Variants in NDUFS4 observed in about 807,000 individuals in gnomAD.
NDUFS4 encodes NADH dehydrogenase [ubiquinone] iron-sulfur protein 4, mitochondrial.
A neutral mutation model predicts 24.3 loss-of-function variants in NDUFS4; 28 were observed. That is an observed-to-expected ratio of 1.15 (90% CI 0.85 to 1.58). NDUFS4 has a LOEUF of 1.58. NDUFS4 is among the 40% of genes most tolerant of loss of function. NDUFS4 has a pLI of 0.00. For missense variants in NDUFS4, 223 were observed against 207.9 expected (o/e 1.07, Z -0.45); for synonymous variants, 93 against 69.7 (o/e 1.34, Z -1.67).
Position 53,584,361 on chromosome 5 carries a change from T to G in NDUFS4, c.99-19091T>G, listed in dbSNP as rs191961369. ...ATGGTTGACGGAGTTCAACTGAGCT[T>G]CTTTTTTTTTTGAGATGGAGTTTCG... On this transcript the variant is annotated intron_variant, in intron 1 of 4. Transcript: ENST00000296684. Among the ~76,000 whole-genome samples the G allele has an allele frequency of 2.4e-3, 363 of 152,232 alleles. 5 individuals carry two copies. Among genetic ancestry groups the G allele is most frequent in the African/African-American group, 8.1e-3 (337 of 41,548 alleles).
chr5:53,563,485 A>G (rs893580028), intron 1 of NDUFS4, among the ~76,000 whole-genome samples: 2 of 151,306 alleles, frequency 1.3e-5, no homozygotes, highest in African/African-American at 4.8e-5. Flanking sequence ...AGGCAAAAAA[A>G]GGGGTTAAAT....
At chr5:53,570,477 A>G (rs1223474151) in intron 1 of NDUFS4, among the ~76,000 whole-genome samples, 1 of 152,134 alleles carries the variant, frequency 6.6e-6, no homozygotes, top group South Asian at 2.1e-4. Flanking sequence ...GCTTCTGTAC[A>G]GGATTTTATG....
chr5:53,665,462 G>A (rs992970100), intron 4 of NDUFS4, among the ~76,000 whole-genome samples: 6 of 152,234 alleles, frequency 3.9e-5, no homozygotes, highest in South Asian at 2.1e-4. Flanking sequence ...CTTGAGCTGC[G>A]CTGGGCTCCA....
intron 1 of NDUFS4, among the ~76,000 whole-genome samples, chr5:53,568,302 C>A (rs1175970231): frequency 6.6e-6 from 1 of 152,006 alleles, no homozygotes; most frequent in Non-Finnish European, 1.5e-5. Flanking sequence ...CCTTGCCCCC[C>A]AGTCTATATT....
rs1385508365 is a variant in NDUFS4 at position 53,583,782 on chromosome 5, G to T, written c.99-19670G>T. The stretch of plus-strand genomic sequence containing the variant: ...AAGACGCACTGGTGGGAGTAAATTT[G>T]GGAAGATGAAGAATTCATGGCTTTT... On this transcript the variant is annotated intron_variant, in intron 1 of 4. Coordinates refer to ENST00000296684, the MANE Select transcript of NDUFS4 (RefSeq NM_002495.4). Among the ~76,000 whole-genome samples the T allele has an allele frequency of 2.0e-5, 3 of 152,178 alleles. No individual in the cohort carries two copies. The South Asian group carries it at 6.2e-4, about 31-fold the overall frequency.
rs573493105 is a variant in NDUFS4, at chr5:53,651,318, C to T, written c.350+4913C>T. On this transcript the variant is annotated intron_variant, in intron 3 of 4. Transcript: ENST00000296684. ...GCTTGGACATATTGAATTCTGACTT[C>T]TCTTTGTGAAATATTTTAAATCTTT... is the stretch of plus-strand genomic sequence containing the variant. Among the ~76,000 whole-genome samples the T allele has an allele frequency of 1.5e-3, 227 of 151,914 alleles. 1 individual carries two copies. The highest frequency in any genetic ancestry group is 4.9e-3 in the African/African-American group (205 of 41,508).
At chr5:53,617,421 T>C (rs1302829379) in intron 2 of NDUFS4, among the ~76,000 whole-genome samples, 1 of 152,128 alleles carries the variant, frequency 6.6e-6, no homozygotes, top group Non-Finnish European at 1.5e-5. Context: ...TGATACCACC[T>C]TATTCCCTTC....
intron 4 of NDUFS4, among the ~76,000 whole-genome samples, chr5:53,675,441 C>G (rs969296593): frequency 6.6e-6 from 1 of 152,108 alleles, no homozygotes; most frequent in Admixed American, 6.5e-5. Context: ...GGATTACAGG[C>G]GTGAGCCACC....
At chr5:53,619,305 TTAAAA>T (rs1561366622) in intron 2 of NDUFS4, among the ~76,000 whole-genome samples, 6 of 130,582 alleles carry the variant, frequency 4.6e-5, no homozygotes, top group South Asian at 2.4e-4. Context: ...TGCTAAAAAT[TTAAAA>T]AAAAAAAAAA....
chr5:53,590,997 T>G (rs1156298470), intron 1 of NDUFS4, among the ~76,000 whole-genome samples: 1 of 152,226 alleles, frequency 6.6e-6, no homozygotes, highest in African/African-American at 2.4e-5. Flanking sequence ...TGAGTTTGAC[T>G]ACTTTAGATA....
Position 53,561,961 on chromosome 5 carries a change from T to A in NDUFS4, c.98+1201T>A, listed in dbSNP as rs60419326. Among the ~76,000 whole-genome samples, 1,105 of 152,132 alleles carry A rather than the reference T, an allele frequency of 7.3e-3. 14 individuals are homozygous for A. Among genetic ancestry groups the A allele is most frequent in the African/African-American group, 0.025 (1,054 of 41,508 alleles). Reference sequence around the variant, plus strand: ...AAGATTGGGGAAAGGCAAATGATGTTTGTAATTAAGTGTTCCATATATGGA... The same window carrying A: ...AAGATTGGGGAAAGGCAAATGATGTATGTAATTAAGTGTTCCATATATGGA... On this transcript the variant is annotated intron_variant, in intron 1 of 4. Coordinates refer to ENST00000296684, the MANE Select transcript of NDUFS4 (RefSeq NM_002495.4).
chr5:53,680,349 C>A (rs1281276367), intron 4 of NDUFS4, among the ~76,000 whole-genome samples: 1 of 152,188 alleles, frequency 6.6e-6, no homozygotes, highest in Non-Finnish European at 1.5e-5. Context: ...TGGGTATATA[C>A]CCAAAGGACT....
intron 4 of NDUFS4, among the ~76,000 whole-genome samples, chr5:53,660,034 T>C (rs1752285926): frequency 1.3e-5 from 2 of 152,018 alleles, no homozygotes; most frequent in Admixed American, 6.6e-5. Context: ...TTAGGGTACA[T>C]GTGCACAACA....
intron 4 of NDUFS4, among the ~76,000 whole-genome samples, chr5:53,661,507 G>C (rs75686760): frequency 0.69 from 104,369 of 151,314 alleles, 36,482 homozygotes; most frequent in African/African-American, 0.8. Flanking sequence ...TCCATATGAA[G>C]TTTAAAGTAG....
At chr5:53,626,253 A>G (rs1467118727) in intron 2 of NDUFS4, among the ~76,000 whole-genome samples, 1 of 152,116 alleles carries the variant, frequency 6.6e-6, no homozygotes, top group Admixed American at 6.6e-5. Flanking sequence ...TCCATGGTGT[A>G]TATGTGCCAC....
chr5:53,610,104 G>T (rs1412051750), intron 2 of NDUFS4, among the ~76,000 whole-genome samples: 1 of 152,070 alleles, frequency 6.6e-6, no homozygotes, highest in Non-Finnish European at 1.5e-5. Context: ...GGTCTGTCTA[G>T]GTTTTTGACA....
intron 4 of NDUFS4, among the ~76,000 whole-genome samples, chr5:53,659,751 A>G (rs1349964798): frequency 6.6e-6 from 1 of 152,202 alleles, no homozygotes; most frequent in Non-Finnish European, 1.5e-5. Flanking sequence ...AAAGCACTAT[A>G]AAGGTTATAA....
intron 3 of NDUFS4, among the ~76,000 whole-genome samples, chr5:53,656,454 G>A (rs1201590833): frequency 1.3e-5 from 2 of 152,100 alleles, no homozygotes; most frequent in Non-Finnish European, 2.9e-5. Flanking sequence ...AAGACTTCAT[G>A]GAATAGGTTG....
intron 4 of NDUFS4, among the ~76,000 whole-genome samples, chr5:53,678,665 T>TA (rs543514245): frequency 6.4e-4 from 98 of 152,174 alleles, no homozygotes; most frequent in Middle Eastern, 3.4e-3. Context: ...CTCTTTCTTT[T>TA]AAAAAAAATT....
Sources: gnomAD v4.1 joint callset for allele counts (sites outside exome capture counted in the v4.1 genomes callset) on GRCh38, gnomAD v4.1.1 for gene constraint, MANE v1.5 for transcripts, NCBI Gene and HGNC (gene_info 2026-07-23, HGNC 2026-07-21) for gene names.